Variants in PRKN observed in about 807,000 individuals in gnomAD.
PRKN encodes parkin RBR E3 ubiquitin protein ligase.
In PRKN, 56 loss-of-function variants were observed where a neutral mutation model predicts 59.5. That is an observed-to-expected ratio of 0.94 (90% CI 0.76 to 1.18). The LOEUF (loss-of-function observed/expected upper bound fraction) is 1.18. Among genes scored for constraint, PRKN ranks in the 50% most tolerant of loss-of-function variants. The probability of loss-of-function intolerance (pLI) is 0.00; values close to 1 mark genes in which losing one functional copy is unlikely to be tolerated. For synonymous variants in PRKN, 250 were observed against 222.1 expected, an observed-to-expected ratio of 1.13 and a Z score of -1.12; for missense variants, 657 against 596.4, an observed-to-expected ratio of 1.10 and a Z score of -1.06.
chr6:161,896,715 C>G (rs773263406), intron 6 of PRKN, among the ~76,000 whole-genome samples: 3 of 152,170 alleles, frequency 2.0e-5, no homozygotes, highest in Non-Finnish European at 2.9e-5. Flanking sequence ...GGTGTTGTCA[C>G]TGTTGGGGGC....
Position 162,472,503 on chromosome 6 carries a change from C to T in PRKN, c.8-29030G>A, listed in dbSNP as rs182983860. On this transcript the variant is annotated intron_variant, in intron 1 of 11. Transcript: ENST00000366898. ...TTTTATTTTATTTTATTTTTTGAGA[C>T]GGAGTCTCGCTCTGTCGCCCAGGCC... Among the ~76,000 whole-genome samples, 6 of 91,718 alleles carry T rather than the reference C, an allele frequency of 6.5e-5. 1 individual carries two copies. Among genetic ancestry groups the T allele is most frequent in the South Asian group, 3.7e-4 (1 of 2,718 alleles). The allele number at this position is 91,718 out of a possible 152,430, so 60.2% of individuals were successfully genotyped here. A position where few individuals can be genotyped will look rare whatever the true frequency, so the allele number is the denominator to read the frequency against.
chr6:161,793,043 G>C (rs530436810), intron 6 of PRKN, among the ~76,000 whole-genome samples: 1 of 152,284 alleles, frequency 6.6e-6, no homozygotes, highest in South Asian at 2.1e-4. Flanking sequence ...CAATGCCAGA[G>C]AGAGCATTTC....
intron 5 of PRKN, among the ~76,000 whole-genome samples, chr6:162,003,607 CTG>C (rs770102367): frequency 1.8e-4 from 27 of 152,108 alleles, no homozygotes; most frequent in Non-Finnish European, 3.4e-4. Flanking sequence ...CATGCTGAAA[CTG>C]TCCATTTCTG....
intron 4 of PRKN, among the ~76,000 whole-genome samples, chr6:162,160,113 A>T (rs1448058632): frequency 6.6e-6 from 1 of 152,218 alleles, no homozygotes; most frequent in African/African-American, 2.4e-5. Context: ...AAAGACAAGC[A>T]TGCACAGACT....
At chr6:161,860,106 G>T (rs529036619) in intron 6 of PRKN, among the ~76,000 whole-genome samples, 14 of 152,216 alleles carry the variant, frequency 9.2e-5, no homozygotes, top group African/African-American at 3.4e-4. Flanking sequence ...TAAGTTTACA[G>T]TTTTAAAATA....
At chr6:162,443,531 T>G in intron 1 of PRKN, 58 bp from the exon 2 acceptor site, 1 of 1,511,284 alleles carries the variant, frequency 6.6e-7, no homozygotes, top group Non-Finnish European at 9.2e-7. Context: ...AGCCCTTAAA[T>G]GGTGATAGCA....
At chr6:161,921,719 G>A (rs977806730) in intron 6 of PRKN, among the ~76,000 whole-genome samples, 6 of 152,118 alleles carry the variant, frequency 3.9e-5, no homozygotes, top group East Asian at 3.9e-4. Context: ...TGCTTCACCC[G>A]TAAAGGAAAA....
intron 7 of PRKN, among the ~76,000 whole-genome samples, chr6:161,765,593 G>A (rs1412196000): frequency 6.6e-6 from 1 of 151,950 alleles, no homozygotes; most frequent in Admixed American, 6.6e-5. Context: ...CAGAAGCTGT[G>A]TACAACCGAG....
At chr6:161,975,022 A>C (rs1780969966) in intron 5 of PRKN, among the ~76,000 whole-genome samples, 1 of 152,030 alleles carries the variant, frequency 6.6e-6, no homozygotes, top group Non-Finnish European at 1.5e-5. Flanking sequence ...ACATTTGTAG[A>C]ATGCTTTATT....
chr6:161,373,644 G>T lies in PRKN; in HGVS notation c.1167+13150C>A, dbSNP rs1231285365. On this transcript the variant is annotated intron_variant, in intron 10 of 11. Transcript: ENST00000366898. The surrounding 1 kb of genome is among the most constrained non-coding windows in gnomAD (Gnocchi z 4.8). ...ATGCCTCTGTGCTTGCAGGGGTGAT[G>T]AGTTAAATGGGCTACACCTCTGTGC... 2.0e-5 allele frequency among the ~76,000 whole-genome samples: 3 copies of T among 151,828 alleles called. No individual in the cohort carries two copies. The highest frequency in any genetic ancestry group is 4.4e-5 in the Non-Finnish European group (3 of 67,984).
intron 1 of PRKN, among the ~76,000 whole-genome samples, chr6:162,704,937 A>G (rs1778285968): frequency 6.6e-6 from 1 of 152,214 alleles, no homozygotes; most frequent in African/African-American, 2.4e-5. Context: ...GCATTTACCA[A>G]GTGTGTAGAG....
chr6:161,407,290 A>G lies in PRKN; in HGVS notation c.1084-20413T>C, dbSNP rs936864965. Among the ~76,000 whole-genome samples the G allele has an allele frequency of 3.3e-5, 5 of 152,200 alleles. No individual in the cohort carries two copies. Among genetic ancestry groups the G allele is most frequent in the African/African-American group, 1.2e-4 (5 of 41,500 alleles). ...GAAACGCACTGACTTGATAAATAAG[A>G]AACAATATTGCTTCTCATTTGGCAA... On this transcript the variant is annotated intron_variant, in intron 9 of 11. Coordinates refer to ENST00000366898, the MANE Select transcript of PRKN (RefSeq NM_004562.3). This position sits in a 1 kb window ranked among gnomAD's most constrained non-coding sequence, Gnocchi z 4.9.
chr6:162,481,360 C>T (rs9365448), intron 1 of PRKN, among the ~76,000 whole-genome samples: 2 of 151,916 alleles, frequency 1.3e-5, no homozygotes, highest in Non-Finnish European at 2.9e-5. Flanking sequence ...ATACTATTAG[C>T]TAATTATTCT....
At chr6:161,664,364 A>G (rs1451818606) in intron 7 of PRKN, among the ~76,000 whole-genome samples, 2 of 152,202 alleles carry the variant, frequency 1.3e-5, no homozygotes, top group Admixed American at 6.5e-5. Context: ...AGGATGTTCA[A>G]TTTGTTCTCA....
intron 4 of PRKN, among the ~76,000 whole-genome samples, chr6:162,144,980 C>A (rs1781960219): frequency 1.3e-5 from 2 of 152,148 alleles, no homozygotes; most frequent in Admixed American, 1.3e-4. Context: ...AGGATTCAGG[C>A]TTTCACACAG....
At position 161,459,859 on chromosome 6, in the gene PRKN, C is replaced by T. The variant is rs73785942; in HGVS notation, c.1084-72982G>A. ...GGAGATTTCTGGCCCAGAAATGGGTCAGCAGAAACTATTATATTGAAAGTT... is the reference window on the plus strand; with the variant it reads ...GGAGATTTCTGGCCCAGAAATGGGTTAGCAGAAACTATTATATTGAAAGTT... On this transcript the variant is annotated intron_variant, in intron 9 of 11. Transcript: ENST00000366898. The surrounding 1 kb of genome is among the most constrained non-coding windows in gnomAD (Gnocchi z 4.8). 4.6e-5 allele frequency among the ~76,000 whole-genome samples: 7 copies of T among 152,136 alleles called. No individual in the cohort carries two copies. Among genetic ancestry groups the T allele is most frequent in the South Asian group, 2.1e-4 (1 of 4,822 alleles).
intron 4 of PRKN, among the ~76,000 whole-genome samples, chr6:162,134,749 A>C (rs1342272977): frequency 6.6e-6 from 1 of 152,306 alleles, no homozygotes; most frequent in South Asian, 2.1e-4. Context: ...GATTGGAAAA[A>C]GGTTTTGATG....
chr6:161,350,239 G>C, intron 11 of PRKN, 28 bp from the exon 12 acceptor site: 1 of 1,538,072 alleles, frequency 6.5e-7, no homozygotes. Context: ...CAAAGGTGTG[G>C]TGGGTTCGCA....
At chr6:161,704,526 C>T (rs1310739225) in intron 7 of PRKN, among the ~76,000 whole-genome samples, 1 of 152,136 alleles carries the variant, frequency 6.6e-6, no homozygotes, top group African/African-American at 2.4e-5. Flanking sequence ...TCGTTTCGTG[C>T]CCTTTTTACA....
Sources: allele counts gnomAD v4.1 joint callset (sites outside exome capture counted in the v4.1 genomes callset), GRCh38; gene constraint gnomAD v4.1.1; non-coding constraint Gnocchi (gnomAD v3.1); transcripts MANE v1.5; gene names NCBI Gene and HGNC (gene_info 2026-07-23, HGNC 2026-07-21).